Variants in NRF1 observed in about 807,000 individuals in gnomAD.
NRF1 encodes alpha palindromic-binding protein.
Under a neutral mutation model 58.5 loss-of-function variants are expected in NRF1, and 5 were observed. The observed-to-expected ratio is 0.09, with a 90% CI of 0.04 to 0.18. NRF1 has a LOEUF of 0.18. Among genes scored for constraint, NRF1 ranks in the 10% least tolerant of loss-of-function variants. The pLI is 1.00. For synonymous variants in NRF1, 224 were observed against 246.7 expected (o/e 0.91, Z 0.86); for missense variants, 288 against 657.7 (o/e 0.44, Z 6.15).
intron 10 of NRF1, among the ~76,000 whole-genome samples, chr7:129,753,079 T>TA: frequency 6.6e-6 from 1 of 152,372 alleles, no homozygotes; most frequent in African/African-American, 2.4e-5. Flanking sequence ...TGGCAAAACT[T>TA]ACTCTTAGAA....
chr7:129,638,640 T>C lies in NRF1; in HGVS notation c.-6-18706T>C, dbSNP rs58003625. ...GATAATTATTCTCTTCTCTAGCCTATACTTCTTGTAAATGGCAACATTGGT... is the reference window on the plus strand; with the variant it reads ...GATAATTATTCTCTTCTCTAGCCTACACTTCTTGTAAATGGCAACATTGGT... On this transcript the variant is annotated intron_variant, in intron 1 of 10. Transcript: ENST00000393232. 2.9e-3 allele frequency among the ~76,000 whole-genome samples: 438 copies of C among 152,356 alleles called. 13 individuals are homozygous for C. In the East Asian group the frequency reaches 0.072, roughly 25 times the overall value.
intron 1 of NRF1, among the ~76,000 whole-genome samples, chr7:129,635,841 A>G (rs1022078994): frequency 6.6e-6 from 1 of 152,074 alleles, no homozygotes; most frequent in African/African-American, 2.4e-5. Context: ...GTTGACCAGA[A>G]TTTTGCCATA....
chr7:129,732,642 G>T (rs1433422102), intron 10 of NRF1, among the ~76,000 whole-genome samples: 1 of 151,836 alleles, frequency 6.6e-6, no homozygotes. Context: ...CACTCTTGTT[G>T]TCCAGGCTGG....
intron 5 of NRF1, among the ~76,000 whole-genome samples, chr7:129,696,087 C>CAAA (rs1802690813): frequency 6.9e-5 from 4 of 58,034 alleles, no homozygotes; most frequent in East Asian, 8.8e-4. Flanking sequence ...AAAAAAAAAA[C>CAAA]AACCAAATTA....
chr7:129,657,292 T>G (rs1188904332), intron 1 of NRF1, 54 bp from the exon 2 acceptor site: 4 of 1,267,044 alleles, frequency 3.2e-6, no homozygotes, highest in Non-Finnish European at 4.6e-6. Context: ...AGTTTAAACA[T>G]TGTGTTATAT....
At chr7:129,612,099 C>T (rs1042785720) in intron 1 of NRF1, among the ~76,000 whole-genome samples, 1 of 150,374 alleles carries the variant, frequency 6.7e-6, no homozygotes, top group African/African-American at 2.4e-5. Context: ...CCCAGGGTTC[C>T]GGCCTCCTCC....
intron 1 of NRF1, chr7:129,633,926 G>A (rs1250393807): frequency 6.6e-6 from 1 of 150,874 alleles, no homozygotes; most frequent in Non-Finnish European, 1.5e-5. Context: ...ACGGCAGGCT[G>A]TGGTGATTTA....
At chr7:129,659,391 A>G (rs1409614763) in intron 2 of NRF1, among the ~76,000 whole-genome samples, 1 of 152,140 alleles carries the variant, frequency 6.6e-6, no homozygotes. Context: ...CAATATTTTT[A>G]TTTAAAAAAT....
At chr7:129,738,270 A>G (rs1462178000) in intron 10 of NRF1, among the ~76,000 whole-genome samples, 1 of 152,194 alleles carries the variant, frequency 6.6e-6, no homozygotes, top group Non-Finnish European at 1.5e-5. Context: ...ATATAAGGAG[A>G]GCTGTGAGCT....
chr7:129,620,262 C>T (rs938661311), intron 1 of NRF1, among the ~76,000 whole-genome samples: 4 of 152,064 alleles, frequency 2.6e-5, no homozygotes, highest in Non-Finnish European at 4.4e-5. Context: ...AAAGCTTAAC[C>T]GATTTCAGAA....
intron 2 of NRF1, among the ~76,000 whole-genome samples, chr7:129,669,155 C>G (rs983386140): frequency 2.6e-5 from 4 of 152,260 alleles, no homozygotes; most frequent in African/African-American, 9.6e-5. Flanking sequence ...CCATATTGGC[C>G]AGGCTGGTCT....
At chr7:129,643,419 T>C (rs1012549504) in intron 1 of NRF1, among the ~76,000 whole-genome samples, 2 of 152,224 alleles carry the variant, frequency 1.3e-5, no homozygotes, top group Non-Finnish European at 2.9e-5. Flanking sequence ...TATTTTTCCA[T>C]AATGGAAATT....
At chr7:129,709,916 G>C (rs1803034946) in intron 6 of NRF1, among the ~76,000 whole-genome samples, 1 of 151,912 alleles carries the variant, frequency 6.6e-6, no homozygotes, top group Admixed American at 6.6e-5. Flanking sequence ...TTTCAGTAGA[G>C]ATGGGGTTTC....
At chr7:129,682,654 G>T (rs1335826488) in intron 4 of NRF1, among the ~76,000 whole-genome samples, 1 of 144,386 alleles carries the variant, frequency 6.9e-6, no homozygotes, top group Non-Finnish European at 1.5e-5. Flanking sequence ...AAAAAAAAAG[G>T]ATCTGGGTGT....
intron 2 of NRF1, among the ~76,000 whole-genome samples, chr7:129,666,430 T>G (rs534829210): frequency 1.3e-5 from 2 of 152,392 alleles, no homozygotes; most frequent in East Asian, 3.9e-4. Flanking sequence ...GTTTCTGTAA[T>G]ATGTTTATCT....
chr7:129,657,736 A>G (rs1801691616), intron 2 of NRF1, among the ~76,000 whole-genome samples, 162 bp downstream of exon 2: 1 of 150,676 alleles, frequency 6.6e-6, no homozygotes, highest in Admixed American at 6.7e-5. Context: ...CAGCCTCTGG[A>G]GTAGCTGGGA....
At chr7:129,688,526 A>C (rs796300071) in intron 4 of NRF1, among the ~76,000 whole-genome samples, 13 of 152,318 alleles carry the variant, frequency 8.5e-5, no homozygotes, top group African/African-American at 3.1e-4. Flanking sequence ...TAGGTGTATT[A>C]GTCCGTTTTC....
At chr7:129,660,408 A>T (rs1368011663) in intron 2 of NRF1, among the ~76,000 whole-genome samples, 1 of 150,620 alleles carries the variant, frequency 6.6e-6, no homozygotes, top group African/African-American at 2.5e-5. Context: ...CCAAATTCTC[A>T]TCTGAGACAA....
intron 7 of NRF1, among the ~76,000 whole-genome samples, chr7:129,710,964 G>A (rs993808024): frequency 6.7e-6 from 1 of 148,778 alleles, no homozygotes; most frequent in Admixed American, 6.7e-5. Context: ...TTTTTTTTAA[G>A]TAGAGATGAG....
Sources: allele counts gnomAD v4.1 joint callset (sites outside exome capture counted in the v4.1 genomes callset), GRCh38; gene constraint gnomAD v4.1.1; transcripts MANE v1.5; gene names NCBI Gene and HGNC (gene_info 2026-07-23, HGNC 2026-07-21).